HOMER2: variants seen among roughly 807,000 people sequenced by gnomAD.
HOMER2 encodes the protein homer protein homolog 2.
Under a neutral mutation model 47.0 loss-of-function variants are expected in HOMER2, and 27 were observed. That is an observed-to-expected ratio of 0.57 (90% CI 0.42 to 0.79). The LOEUF is 0.79. HOMER2 is among the 30% of genes least tolerant of loss of function. The pLI is 0.00. For synonymous variants in HOMER2, 161 were observed against 163.8 expected (o/e 0.98, Z 0.13); for missense variants, 443 against 435.0 (o/e 1.02, Z -0.16).
At position 82,851,134 on chromosome 15, in the gene HOMER2, GC is replaced by G. The variant is rs780044006; in HGVS notation, c.843+16del. ...TTCTTGTCTGAGCCAGGATGGCTGT[GC>G]CCCCAACCCACGTACCTCTAGCTTC... On this transcript the variant is annotated intron_variant, in intron 8 of 8. Coordinates refer to ENST00000450735, the MANE Select transcript of HOMER2 (RefSeq NM_004839.4). 113 of 1,544,524 alleles carry G rather than the reference GC, an allele frequency of 7.3e-5. 2 individuals carry two copies. In the South Asian group the frequency reaches 1.3e-3, roughly 18 times the overall value.
At position 82,913,997 on chromosome 15, in the gene HOMER2, G is replaced by A. The variant is rs946631582; in HGVS notation, c.6-21156C>T. On this transcript the variant is annotated intron_variant, in intron 1 of 8. Coordinates refer to ENST00000450735, the MANE Select transcript of HOMER2 (RefSeq NM_004839.4). The surrounding 1 kb of genome is among the most constrained non-coding windows in gnomAD (Gnocchi z 4.1). ...ACCCAAAGTCTATCAACAGATAAAT[G>A]GATAAACAAAATGTGGCATACACAT... Among the ~76,000 whole-genome samples the A allele has an allele frequency of 4.6e-5, 7 of 152,158 alleles. No individual in the cohort carries two copies. In the East Asian group the frequency reaches 1.3e-3, roughly 29 times the overall value.
chr15:82,964,922 T>G (rs2054660431), intron 1 of HOMER2, among the ~76,000 whole-genome samples: 1 of 152,258 alleles, frequency 6.6e-6, no homozygotes, highest in African/African-American at 2.4e-5. Flanking sequence ...GGAAATACTA[T>G]GCTAAACAAA....
intron 1 of HOMER2, among the ~76,000 whole-genome samples, chr15:82,899,728 T>C (rs989309388): frequency 3.3e-5 from 5 of 152,126 alleles, no homozygotes; most frequent in East Asian, 3.9e-4. Flanking sequence ...ATAGAAAATA[T>C]AACAGATTGT....
chr15:82,978,612 T>G (rs758243637), intron 1 of HOMER2, among the ~76,000 whole-genome samples: 2 of 152,228 alleles, frequency 1.3e-5, no homozygotes, highest in African/African-American at 2.4e-5. Context: ...CCAAATCTCA[T>G]TTCGCAGTTC....
chr15:82,858,397 A>G (rs1356878494), intron 5 of HOMER2, among the ~76,000 whole-genome samples: 8 of 152,082 alleles, frequency 5.3e-5, no homozygotes, highest in East Asian at 3.9e-4. Context: ...GGCTCAAGCA[A>G]TCCTCCCAAC....
chr15:82,930,950 C>T (rs2053991822), intron 1 of HOMER2, among the ~76,000 whole-genome samples: 1 of 152,130 alleles, frequency 6.6e-6, no homozygotes, highest in Admixed American at 6.5e-5. Context: ...TCACTTGAAC[C>T]CGGGAGGCGG....
chr15:82,945,300 A>G (rs887749199), intron 1 of HOMER2, among the ~76,000 whole-genome samples: 5 of 152,194 alleles, frequency 3.3e-5, no homozygotes, highest in African/African-American at 1.2e-4. Context: ...ATTTAGCAAA[A>G]TGACAAATTA....
chr15:82,859,909 G>A (rs1404010064), intron 4 of HOMER2, among the ~76,000 whole-genome samples: 4 of 151,982 alleles, frequency 2.6e-5, no homozygotes, highest in East Asian at 1.9e-4. Context: ...ACAAAAACCC[G>A]GGGGGTGGGG....
At chr15:82,837,305 A>G (rs181753176) in exon 2 of HOMER2, 2 of 152,396 alleles carry the variant, frequency 1.3e-5, no homozygotes, top group East Asian at 3.9e-4. Context: ...CTATGGTAAC[A>G]TAGCCACAGG....
chr15:82,973,597 TAG>T (rs1224738265), intron 1 of HOMER2, among the ~76,000 whole-genome samples: 2 of 152,222 alleles, frequency 1.3e-5, no homozygotes, highest in African/African-American at 2.4e-5. Flanking sequence ...CAAGCCAAGT[TAG>T]AGTGTTTTAT....
chr15:82,857,908 A>G (rs189702447), intron 5 of HOMER2, among the ~76,000 whole-genome samples: 3 of 152,336 alleles, frequency 2.0e-5, no homozygotes, highest in Non-Finnish European at 4.4e-5. Flanking sequence ...TTCTCAAGAT[A>G]CAAAATCATA....
At position 82,922,402 on chromosome 15, in the gene HOMER2, C is replaced by A. The variant is rs913710497; in HGVS notation, c.6-29561G>T. On this transcript the variant is annotated intron_variant, in intron 1 of 8. Coordinates refer to ENST00000450735, the MANE Select transcript of HOMER2 (RefSeq NM_004839.4). Reference sequence around the variant, plus strand: ...GCAGGTTCTATCAGCCCAAGAGAACCTTTTTACTCAAAAGTAAAGCCTGCA... The same window carrying A: ...GCAGGTTCTATCAGCCCAAGAGAACATTTTTACTCAAAAGTAAAGCCTGCA... Among the ~76,000 whole-genome samples, 7 of 152,172 alleles carry A rather than the reference C, an allele frequency of 4.6e-5. No homozygotes were observed. The South Asian group carries it at 1.0e-3, about 23-fold the overall frequency.
intron 2 of HOMER2, among the ~76,000 whole-genome samples, chr15:82,876,551 C>T (rs1434592821): frequency 6.6e-6 from 1 of 152,098 alleles, no homozygotes; most frequent in Non-Finnish European, 1.5e-5. Context: ...AGGAAAAATA[C>T]TCTTGGAAAT....
intron 2 of HOMER2, among the ~76,000 whole-genome samples, chr15:82,878,933 A>G (rs555664769): frequency 1.3e-5 from 2 of 152,226 alleles, no homozygotes; most frequent in Admixed American, 6.5e-5. Flanking sequence ...GCCATGCACA[A>G]TATTTTTTAC....
At chr15:82,854,553 G>T in intron 6 of HOMER2, 91 bp downstream of exon 6, 2 of 1,390,154 alleles carry the variant, frequency 1.4e-6, no homozygotes, top group Non-Finnish European at 1.9e-6. Context: ...TAAGGGCAAA[G>T]TTGGGGAGGG....
chr15:82,899,936 C>A (rs755171208), intron 1 of HOMER2, among the ~76,000 whole-genome samples: 1 of 151,800 alleles, frequency 6.6e-6, no homozygotes, highest in South Asian at 2.1e-4. Flanking sequence ...GCAGGAGAAT[C>A]GCTTGAACCA....
At chr15:82,880,753 G>C (rs1313341258) in intron 2 of HOMER2, among the ~76,000 whole-genome samples, 1 of 152,138 alleles carries the variant, frequency 6.6e-6, no homozygotes, top group Non-Finnish European at 1.5e-5. Flanking sequence ...ACTGGGGGAT[G>C]AGAAGTAAAG....
chr15:82,952,655 C>T lies in HOMER2; in HGVS notation c.-120G>A. ...CCGTGCGCGCCCGGCTCAGCCCCGG[C>T]GCCGCTCCATTCCGCGGGGCTGCGC... On this transcript the variant is annotated 5_prime_UTR_variant, in exon 1 of 9. Coordinates refer to ENST00000450735, the MANE Select transcript of HOMER2 (RefSeq NM_004839.4). 2 of 1,005,986 alleles carry T rather than the reference C, an allele frequency of 2.0e-6. No homozygotes were observed. The highest frequency in any genetic ancestry group is 2.4e-6 in the Non-Finnish European group (2 of 844,956). 62.3% of individuals were successfully genotyped at this position (1,005,986 alleles called of 1,614,324 possible).
chr15:82,840,629 A>G (rs560011608), exon 2 of HOMER2: 51 of 152,126 alleles, frequency 3.4e-4, no homozygotes, highest in African/African-American at 1.2e-3. Flanking sequence ...AATTTTTAGT[A>G]GCGACTATGT....
Sources: gnomAD v4.1 joint callset for allele counts (sites outside exome capture counted in the v4.1 genomes callset) on GRCh38, gnomAD v4.1.1 for gene constraint, Gnocchi (gnomAD v3.1) non-coding constraint, MANE v1.5 for transcripts, NCBI Gene and HGNC (gene_info 2026-07-23, HGNC 2026-07-21) for gene names.